The following CNOT10 variants were observed in gnomAD, a reference collection of about 807,000 sequenced individuals.
CNOT10 encodes the protein CCR4-NOT transcription complex subunit 10.
Under a neutral mutation model 94.6 loss-of-function variants are expected in CNOT10, and 30 were observed. The ratio of observed to expected loss-of-function variants is 0.32; its 90% CI spans 0.24 to 0.43. The LOEUF is 0.43. CNOT10 is among the 20% of genes least tolerant of loss of function. CNOT10 has a pLI of 1.00. For synonymous variants in CNOT10, 289 were observed against 301.6 expected, an observed-to-expected ratio of 0.96 and a Z score of 0.43; for missense variants, 759 against 877.2, an observed-to-expected ratio of 0.87 and a Z score of 1.70.
intron 1 of CNOT10, among the ~76,000 whole-genome samples, chr3:32,687,535 T>C (rs752784813): frequency 1.1e-4 from 15 of 138,660 alleles, no homozygotes; most frequent in Non-Finnish European, 2.0e-4. Flanking sequence ...CATTGCAAGC[T>C]CCGCCTCCCG....
At position 32,725,552 on chromosome 3, in the gene CNOT10, A is replaced by G. The variant is rs372368232; in HGVS notation, c.965A>G (p.Glu322Gly). The change falls in exon 9 of 19, where the codon GAG becomes GGG. Residue 322 changes from glutamate to glycine, a missense_variant. Physicochemically the swap from Glu to Gly is moderately conservative, Grantham distance 98 (BLOSUM62 -2). Transcript: ENST00000328834. Reference protein sequence around the residue: ...GIFYFKKALQENDNVCAQLSA... With the variant: ...GIFYFKKALQGNDNVCAQLSA... ...TTCTACTTTAAAAAGGCTCTGCAAGAGAATGACAATGTCTGTGCACAGCTC... is the reference window on the plus strand; with the variant it reads ...TTCTACTTTAAAAAGGCTCTGCAAGGGAATGACAATGTCTGTGCACAGCTC... The G allele has an allele frequency of 1.2e-6, 2 of 1,614,086 alleles. No individual in the cohort carries two copies. The highest frequency in any genetic ancestry group is 1.7e-6 in the Non-Finnish European group (2 of 1,180,014).
chr3:32,725,841 T>C (rs150234546), intron 9 of CNOT10, among the ~76,000 whole-genome samples: 155 of 152,332 alleles, frequency 1.0e-3, no homozygotes, highest in African/African-American at 3.6e-3. Context: ...TTCATTGATT[T>C]GAAAATGAGT....
intron 13 of CNOT10, among the ~76,000 whole-genome samples, chr3:32,738,045 T>G (rs540968299): frequency 2.6e-5 from 4 of 152,314 alleles, no homozygotes; most frequent in African/African-American, 9.6e-5. Flanking sequence ...TTTGTCAGAT[T>G]TGGTTTCAGG....
chr3:32,773,453 A>G lies in CNOT10; in HGVS notation c.2081-4A>G, dbSNP rs1291731237. On this transcript the variant is annotated splice_polypyrimidine_tract_variant and splice_region_variant and intron_variant, in intron 18 of 18. Transcript: ENST00000328834. Reference sequence around the variant, plus strand: ...TTGTTTTTTAACGGGAAGTGTTTTTATAGGTAATACTCAGCTGGCCTTACA... The same window carrying G: ...TTGTTTTTTAACGGGAAGTGTTTTTGTAGGTAATACTCAGCTGGCCTTACA... 20 of 1,607,176 alleles carry G rather than the reference A, an allele frequency of 1.2e-5. No homozygotes were observed. The highest frequency in any genetic ancestry group is 1.7e-4 in the Middle Eastern group (1 of 6,048).
At chr3:32,695,768 A>G in intron 1 of CNOT10, 1 of 1,536,058 alleles carries the variant, frequency 6.5e-7, no homozygotes, top group Non-Finnish European at 8.7e-7. Flanking sequence ...TCAATTGGCA[A>G]CGGAGACTAC....
chr3:32,704,203 T>C (rs1447038662), intron 2 of CNOT10, among the ~76,000 whole-genome samples: 1 of 152,232 alleles, frequency 6.6e-6, no homozygotes, highest in East Asian at 1.9e-4. Context: ...TACTGTTGTT[T>C]TTAAGTCTTT....
chr3:32,701,317 T>G (rs1697336071), intron 1 of CNOT10, among the ~76,000 whole-genome samples: 1 of 152,162 alleles, frequency 6.6e-6, no homozygotes, highest in South Asian at 2.1e-4. Context: ...AATGTTAAAC[T>G]GCATGTAATA....
chr3:32,695,514 T>C, intron 1 of CNOT10: 1 of 1,454,660 alleles, frequency 6.9e-7, no homozygotes, highest in Non-Finnish European at 9.1e-7. Flanking sequence ...TGATTAACAT[T>C]CTGTATTGGA....
At chr3:32,743,471 A>G (rs915985052) in intron 13 of CNOT10, among the ~76,000 whole-genome samples, 7 of 152,004 alleles carry the variant, frequency 4.6e-5, no homozygotes, top group Non-Finnish European at 8.8e-5. Context: ...CTCTACTAAA[A>G]ATACAAAAAA....
intron 18 of CNOT10, 50 bp downstream of exon 18, chr3:32,770,012 T>A (rs769658251): frequency 1.3e-5 from 20 of 1,484,658 alleles, no homozygotes; most frequent in Non-Finnish European, 1.7e-5. Context: ...GAGCCTGAGA[T>A]TTTTTGGTTG....
chr3:32,705,016 CTTTAA>C, intron 3 of CNOT10, 44 bp downstream of exon 3: 1 of 1,285,878 alleles, frequency 7.8e-7, no homozygotes, highest in Non-Finnish European at 1.0e-6. Context: ...TTGTTCTGTT[CTTTAA>C]TTTATGAAAC....
chr3:32,726,090 AC>A (rs1275699076), intron 9 of CNOT10, among the ~76,000 whole-genome samples: 1 of 152,112 alleles, frequency 6.6e-6, no homozygotes, highest in East Asian at 1.9e-4. Flanking sequence ...AACTACAGAC[AC>A]ATGCCACTGT....
chr3:32,721,184 C>T (rs1244305094), intron 8 of CNOT10, among the ~76,000 whole-genome samples: 1 of 150,922 alleles, frequency 6.6e-6, no homozygotes, highest in African/African-American at 2.4e-5. Flanking sequence ...CCACCTCAGC[C>T]TCCTGAGTAG....
intron 13 of CNOT10, among the ~76,000 whole-genome samples, chr3:32,758,666 A>AT (rs1700314003): frequency 6.6e-6 from 1 of 152,208 alleles, no homozygotes; most frequent in South Asian, 2.1e-4. Flanking sequence ...ACAAGGGTTT[A>AT]TTTTAAGATT....
chr3:32,726,988 A>C (rs1698701948), intron 9 of CNOT10, among the ~76,000 whole-genome samples: 2 of 151,790 alleles, frequency 1.3e-5, no homozygotes, highest in South Asian at 4.2e-4. Context: ...CTGGGACTAC[A>C]GGCACATGCC....
At chr3:32,768,275 C>G (rs1700734377) in intron 17 of CNOT10, among the ~76,000 whole-genome samples, 1 of 152,022 alleles carries the variant, frequency 6.6e-6, no homozygotes, top group African/African-American at 2.4e-5. Context: ...GGATGGAAAA[C>G]AGAGATTTTA....
At chr3:32,690,807 A>G (rs185485956) in intron 1 of CNOT10, among the ~76,000 whole-genome samples, 1,581 of 152,124 alleles carry the variant, frequency 0.01, 7 homozygotes, top group Middle Eastern at 0.044. Context: ...TCGGCCTCCC[A>G]AAGTGCTGGG....
intron 8 of CNOT10, among the ~76,000 whole-genome samples, chr3:32,725,158 AC>A (rs1313506643): frequency 2.6e-5 from 4 of 152,128 alleles, no homozygotes; most frequent in African/African-American, 9.7e-5. Context: ...ATATAGTGAG[AC>A]CCTATTTTAA....
chr3:32,695,828 G>A (rs779376310), intron 1 of CNOT10: 3 of 1,534,316 alleles, frequency 2.0e-6, no homozygotes, highest in East Asian at 2.4e-5. Flanking sequence ...ACTCTGTCTG[G>A]TAAGAAGTCA....
Sources: allele counts gnomAD v4.1 joint callset (sites outside exome capture counted in the v4.1 genomes callset), GRCh38; gene constraint gnomAD v4.1.1; transcripts MANE v1.5; gene names NCBI Gene and HGNC (gene_info 2026-07-23, HGNC 2026-07-21).